CNTN5: variants seen among roughly 807,000 people sequenced by gnomAD.
CNTN5 encodes contactin-5.
A neutral mutation model predicts 129.1 loss-of-function variants in CNTN5; 77 were observed. The ratio of observed to expected loss-of-function variants is 0.60; its 90% confidence interval spans 0.50 to 0.72. CNTN5 has a LOEUF of 0.72. Ranked by LOEUF, CNTN5 falls within the 30% of genes least tolerant of loss-of-function variation. CNTN5 has a pLI of 0.00. For missense variants in CNTN5, 1,478 were observed against 1,328.8 expected (o/e 1.11, Z -1.75); for synonymous variants, 509 against 465.6 (o/e 1.09, Z -1.20).
At chr11:99,353,567 C>T (rs1442609804) in intron 2 of CNTN5, among the ~76,000 whole-genome samples, 1 of 152,134 alleles carries the variant, frequency 6.6e-6, no homozygotes, top group Non-Finnish European at 1.5e-5. Flanking sequence ...CAGCATATAT[C>T]TAGAAAAGAT....
At chr11:99,969,570 G>A (rs61910572) in intron 8 of CNTN5, among the ~76,000 whole-genome samples, 22,674 of 152,044 alleles carry the variant, frequency 0.15, 1,815 homozygotes, top group Middle Eastern at 0.21. Context: ...ACAACTCACA[G>A]AATTTTCTCT....
At chr11:100,245,052 C>G (rs1269942899) in intron 16 of CNTN5, among the ~76,000 whole-genome samples, 1 of 152,016 alleles carries the variant, frequency 6.6e-6, no homozygotes, top group East Asian at 2.0e-4. Flanking sequence ...TAAAGCCTAA[C>G]TCAAATTGAC....
chr11:99,457,065 C>T (rs946838699), intron 2 of CNTN5, among the ~76,000 whole-genome samples: 39 of 151,906 alleles, frequency 2.6e-4, no homozygotes, highest in African/African-American at 9.4e-4. Flanking sequence ...AAATTTTCTG[C>T]AGGTTTCCAA....
At chr11:100,180,033 G>A (rs58467294) in intron 13 of CNTN5, among the ~76,000 whole-genome samples, 4,725 of 151,854 alleles carry the variant, frequency 0.031, 245 homozygotes, top group African/African-American at 0.11. Context: ...TTTGAGGTGG[G>A]GCAGATACTT....
At chr11:99,771,298 AT>A (rs1565511630) in intron 3 of CNTN5, among the ~76,000 whole-genome samples, 3 of 152,082 alleles carry the variant, frequency 2.0e-5, no homozygotes, top group Non-Finnish European at 4.4e-5. Flanking sequence ...ATCATTCACC[AT>A]AGCAAAGACA....
intron 8 of CNTN5, among the ~76,000 whole-genome samples, chr11:99,959,489 A>T (rs1349782): frequency 6.6e-6 from 1 of 151,898 alleles, no homozygotes; most frequent in African/African-American, 2.4e-5. Context: ...GTTACAACCA[A>T]TTCCTCCATC....
chr11:99,797,050 G>A (rs1392453940), intron 3 of CNTN5, among the ~76,000 whole-genome samples: 1 of 151,908 alleles, frequency 6.6e-6, no homozygotes, highest in African/African-American at 2.4e-5. Flanking sequence ...TCCCTCTTCT[G>A]CCTGACATCT....
At chr11:99,724,446 T>C (rs1156420490) in intron 3 of CNTN5, among the ~76,000 whole-genome samples, 1 of 152,204 alleles carries the variant, frequency 6.6e-6, no homozygotes, top group Non-Finnish European at 1.5e-5. Context: ...CTACACGATT[T>C]TCACTTGACA....
chr11:99,649,262 C>A (rs1021898851), intron 3 of CNTN5, among the ~76,000 whole-genome samples: 1 of 151,632 alleles, frequency 6.6e-6, no homozygotes, highest in African/African-American at 2.4e-5. Flanking sequence ...TCCCAAATTA[C>A]TTCTATTAAT....
At chr11:99,303,722 G>A (rs552791847) in intron 1 of CNTN5, among the ~76,000 whole-genome samples, 1 of 151,980 alleles carries the variant, frequency 6.6e-6, no homozygotes, top group African/African-American at 2.4e-5. Flanking sequence ...CTCACTCTGG[G>A]GGTGAGCCAC....
intron 13 of CNTN5, among the ~76,000 whole-genome samples, chr11:100,172,198 C>T (rs1947847012): frequency 6.6e-6 from 1 of 151,912 alleles, no homozygotes; most frequent in Admixed American, 6.6e-5. Context: ...CTGTCTCTAT[C>T]TGTAACTTTC....
At chr11:99,983,961 A>G (rs915010929) in intron 8 of CNTN5, among the ~76,000 whole-genome samples, 1 of 152,164 alleles carries the variant, frequency 6.6e-6, no homozygotes, top group African/African-American at 2.4e-5. Flanking sequence ...CATGATTGGT[A>G]TCATAAGAAA....
At chr11:99,517,443 C>T (rs1376360458) in intron 2 of CNTN5, among the ~76,000 whole-genome samples, 7 of 151,958 alleles carry the variant, frequency 4.6e-5, no homozygotes, top group Admixed American at 2.0e-4. Flanking sequence ...GGATGTACTC[C>T]GAAATTCTTG....
intron 9 of CNTN5, among the ~76,000 whole-genome samples, chr11:100,009,055 A>G (rs1565784037): frequency 6.6e-6 from 1 of 152,084 alleles, no homozygotes; most frequent in Non-Finnish European, 1.5e-5. Flanking sequence ...AAAGAAAACA[A>G]ATAATTGTAG....
At chr11:99,492,378 T>A (rs527924900) in intron 2 of CNTN5, among the ~76,000 whole-genome samples, 1 of 152,314 alleles carries the variant, frequency 6.6e-6, no homozygotes, top group East Asian at 1.9e-4. Context: ...GCCTTTAAAC[T>A]GGAAGAATTT....
chr11:99,870,604 A>G (rs1394047426), intron 6 of CNTN5, among the ~76,000 whole-genome samples: 2 of 152,154 alleles, frequency 1.3e-5, no homozygotes, highest in Non-Finnish European at 2.9e-5. Context: ...TAAACATTCT[A>G]CCATCAATGG....
chr11:99,275,954 CA>C (rs893532556), intron 1 of CNTN5, among the ~76,000 whole-genome samples: 130 of 148,392 alleles, frequency 8.8e-4, no homozygotes, highest in African/African-American at 2.9e-3. Flanking sequence ...CATATTTGAA[CA>C]AAAAAAAAAT....
chr11:99,514,076 G>A (rs1384040223), intron 2 of CNTN5, among the ~76,000 whole-genome samples: 2 of 152,062 alleles, frequency 1.3e-5, no homozygotes, highest in African/African-American at 4.8e-5. Flanking sequence ...GGGGTTAAAA[G>A]ATGTCAATTT....
intron 8 of CNTN5, among the ~76,000 whole-genome samples, chr11:99,999,153 A>T (rs1316785420): frequency 3.9e-5 from 6 of 152,018 alleles, no homozygotes; most frequent in African/African-American, 7.3e-5. Context: ...AAAATTGACA[A>T]ATGGGATCTA....
Sources: allele counts gnomAD v4.1 joint callset (sites outside exome capture counted in the v4.1 genomes callset), GRCh38; gene constraint gnomAD v4.1.1; transcripts MANE v1.5; gene names NCBI Gene and HGNC (gene_info 2026-07-23, HGNC 2026-07-21).